CNTN5: variants seen among roughly 807,000 people sequenced by gnomAD.
CNTN5 encodes the protein contactin 5.
CNTN5 carries 77 observed loss-of-function variants against 129.1 expected under a neutral mutation model. The observed-to-expected ratio is 0.60, with a 90% CI of 0.50 to 0.72. The LOEUF (loss-of-function observed/expected upper bound fraction) is 0.72, where lower values mean the gene tolerates loss of function less well. Ranked by LOEUF, CNTN5 falls within the 30% of genes least tolerant of loss-of-function variation. The pLI, the probability that CNTN5 is intolerant of heterozygous loss-of-function variation, is 0.00. For missense variants in CNTN5, 1,478 were observed against 1,328.8 expected, an observed-to-expected ratio of 1.11 and a Z score of -1.75; for synonymous variants, 509 against 465.6, an observed-to-expected ratio of 1.09 and a Z score of -1.20.
At chr11:99,365,112 C>T (rs1939362991) in intron 2 of CNTN5, among the ~76,000 whole-genome samples, 1 of 152,130 alleles carries the variant, frequency 6.6e-6, no homozygotes, top group Non-Finnish European at 1.5e-5. Flanking sequence ...GTTTGGCTGT[C>T]AAATTGATCT....
intron 3 of CNTN5, among the ~76,000 whole-genome samples, chr11:99,660,262 T>C (rs1330075866): frequency 6.6e-6 from 1 of 152,142 alleles, no homozygotes; most frequent in African/African-American, 2.4e-5. Context: ...TATATGTATG[T>C]AAACCTTAGA....
At chr11:99,832,180 G>A (rs1009631328) in intron 4 of CNTN5, among the ~76,000 whole-genome samples, 1 of 151,814 alleles carries the variant, frequency 6.6e-6, no homozygotes, top group Non-Finnish European at 1.5e-5. Context: ...CATTTCCATA[G>A]TCTAAAAAAA....
chr11:100,025,253 G>C (rs1941361442), intron 9 of CNTN5, among the ~76,000 whole-genome samples: 1 of 152,244 alleles, frequency 6.6e-6, no homozygotes, highest in African/African-American at 2.4e-5. Flanking sequence ...CCAAGCCTTG[G>C]TGGCTTACAC....
intron 4 of CNTN5, among the ~76,000 whole-genome samples, chr11:99,842,330 G>T (rs898642897): frequency 1.3e-5 from 2 of 152,092 alleles, no homozygotes; most frequent in Non-Finnish European, 2.9e-5. Context: ...ATAATGTCTG[G>T]CATATAGTAA....
intron 1 of CNTN5, among the ~76,000 whole-genome samples, chr11:99,312,135 G>A (rs1246046394): frequency 1.3e-5 from 2 of 151,778 alleles, no homozygotes; most frequent in African/African-American, 2.4e-5. Flanking sequence ...GATAAAACAT[G>A]AATATATATT....
At position 99,431,294 on chromosome 11, in the gene CNTN5, G is replaced by A. The variant is rs115125266; in HGVS notation, c.-71+105810G>A. On this transcript the variant is annotated intron_variant, in intron 2 of 24. Transcript: ENST00000524871. The stretch of plus-strand genomic sequence containing the variant: ...AAATTCATGTACTTAATATAGAAAC[G>A]GGGCCCAGACTGAAGACTGCTTTCT... Among the ~76,000 whole-genome samples the A allele has an allele frequency of 3.8e-3, 582 of 152,024 alleles. 5 individuals are homozygous for A. Among genetic ancestry groups the A allele is most frequent in the African/African-American group, 0.013 (554 of 41,476 alleles).
In CNTN5 at chr11:100,030,581, C is replaced by T. The variant is rs368446721; in HGVS notation, c.980+28445C>T. Among the ~76,000 whole-genome samples, 17 of 152,220 alleles carry T rather than the reference C, an allele frequency of 1.1e-4. No homozygotes were observed. In the South Asian group the frequency reaches 1.9e-3, roughly 17 times the overall value. On this transcript the variant is annotated intron_variant, in intron 9 of 24. Coordinates refer to ENST00000524871, the MANE Select transcript of CNTN5 (RefSeq NM_014361.4). ...CATGTATTGTGTATGCCTCATTGTC[C>T]GCTTGTCTCTATTTGACTTTGGTGT...
chr11:99,943,886 G>T (rs563176171), intron 7 of CNTN5, among the ~76,000 whole-genome samples: 1 of 152,046 alleles, frequency 6.6e-6, no homozygotes, highest in Non-Finnish European at 1.5e-5. Flanking sequence ...CTGTTCCATT[G>T]GTCTATATAT....
chr11:99,888,750 T>C (rs1483738249), intron 6 of CNTN5, among the ~76,000 whole-genome samples: 1 of 152,202 alleles, frequency 6.6e-6, no homozygotes, highest in African/African-American at 2.4e-5. Flanking sequence ...GACATTATCC[T>C]CAGTGCTCTC....
chr11:99,897,657 G>A (rs955606479), intron 6 of CNTN5, among the ~76,000 whole-genome samples: 3 of 152,088 alleles, frequency 2.0e-5, no homozygotes, highest in African/African-American at 7.2e-5. Flanking sequence ...TTCTAAATGT[G>A]GAAACTAAAG....
chr11:100,255,669 TAGTTGGATGTGCTAC>T (rs1403256309), intron 16 of CNTN5, 76 bp from the exon 17 acceptor site: 24 of 1,087,346 alleles, frequency 2.2e-5, no homozygotes, highest in Non-Finnish European at 2.9e-5. Flanking sequence ...GGTGATTACA[TAGTTGGATGTGCTAC>T]ATATTGGAAA....
At chr11:99,184,493 C>T (rs1858240141) in intron 1 of CNTN5, among the ~76,000 whole-genome samples, 1 of 152,072 alleles carries the variant, frequency 6.6e-6, no homozygotes, top group African/African-American at 2.4e-5. Flanking sequence ...AGGCAGCCAT[C>T]CTTCATACCC....
intron 3 of CNTN5, among the ~76,000 whole-genome samples, chr11:99,684,103 C>G (rs1953680226): frequency 6.6e-6 from 1 of 151,738 alleles, no homozygotes; most frequent in Admixed American, 6.6e-5. Flanking sequence ...TGCCCCAACC[C>G]CCGTCTGGTA....
At chr11:99,837,044 A>C (rs1947329856) in intron 4 of CNTN5, among the ~76,000 whole-genome samples, 1 of 152,060 alleles carries the variant, frequency 6.6e-6, no homozygotes, top group South Asian at 2.1e-4. Context: ...TTTATCAGCA[A>C]GGTCTTTATG....
intron 13 of CNTN5, among the ~76,000 whole-genome samples, chr11:100,105,595 A>G (rs981326481): frequency 6.6e-6 from 1 of 152,200 alleles, no homozygotes; most frequent in Non-Finnish European, 1.5e-5. Flanking sequence ...AGATGACCAC[A>G]AACATAGCAC....
In CNTN5 at chr11:99,532,227, C is replaced by T. The variant is rs561021386; in HGVS notation, c.-70-23918C>T. 1.2e-4 allele frequency among the ~76,000 whole-genome samples: 19 copies of T among 152,156 alleles called. No individual in the cohort carries two copies. The South Asian group carries it at 3.9e-3, about 32-fold the overall frequency. On this transcript the variant is annotated intron_variant, in intron 2 of 24. Coordinates refer to ENST00000524871, the MANE Select transcript of CNTN5 (RefSeq NM_014361.4). ...GTCAAAGGAGATCAATTTGACTGCC[C>T]CGCTGGATTTGGGACTTGCATGGGC...
chr11:99,894,264 G>A (rs1003787943), intron 6 of CNTN5, among the ~76,000 whole-genome samples: 24 of 151,758 alleles, frequency 1.6e-4, no homozygotes, highest in South Asian at 2.1e-4. Flanking sequence ...GATCTTTCTC[G>A]TCCTCACTTT....
chr11:99,223,340 C>T (rs561625727), intron 1 of CNTN5, among the ~76,000 whole-genome samples: 179 of 152,206 alleles, frequency 1.2e-3, no homozygotes, highest in Non-Finnish European at 1.8e-3. Flanking sequence ...TAAATGATGA[C>T]GTAGTTCTTA....
At chr11:100,122,745 G>A (rs1218265428) in intron 13 of CNTN5, among the ~76,000 whole-genome samples, 1 of 152,030 alleles carries the variant, frequency 6.6e-6, no homozygotes, top group Non-Finnish European at 1.5e-5. Flanking sequence ...GAGCCAAGAG[G>A]TAGTGGTGGT....
Sources: allele counts gnomAD v4.1 joint callset (sites outside exome capture counted in the v4.1 genomes callset), GRCh38; gene constraint gnomAD v4.1.1; transcripts MANE v1.5; gene names NCBI Gene and HGNC (gene_info 2026-07-23, HGNC 2026-07-21).